RCL1: variants seen among roughly 807,000 people sequenced by gnomAD.
The protein encoded by RCL1 is RNA 3'-terminal phosphate cyclase-like protein.
Under a neutral mutation model 42.4 loss-of-function variants are expected in RCL1, and 24 were observed. The observed-to-expected ratio is 0.57, with a 90% CI of 0.41 to 0.80. The LOEUF is 0.80. Ranked by LOEUF, RCL1 falls within the 30% of genes least tolerant of loss-of-function variation. RCL1 has a pLI of 0.00. For synonymous variants in RCL1, 228 were observed against 177.3 expected (o/e 1.29, Z -2.27); for missense variants, 578 against 467.9 (o/e 1.24, Z -2.17).
At chr9:4,807,693 AT>A (rs1370455501) in intron 1 of RCL1, among the ~76,000 whole-genome samples, 1 of 151,620 alleles carries the variant, frequency 6.6e-6, no homozygotes, top group Non-Finnish European at 1.5e-5. Flanking sequence ...CTAATTTTGT[AT>A]TTTTCGTAGA....
At chr9:4,807,626 T>G (rs1816022647) in intron 1 of RCL1, among the ~76,000 whole-genome samples, 1 of 152,150 alleles carries the variant, frequency 6.6e-6, no homozygotes, top group Non-Finnish European at 1.5e-5. Flanking sequence ...TTCAAGTGAT[T>G]CTCCTGCCTC....
At chr9:4,844,017 T>A (rs1305960715) in intron 6 of RCL1, among the ~76,000 whole-genome samples, 1 of 151,840 alleles carries the variant, frequency 6.6e-6, no homozygotes, top group Non-Finnish European at 1.5e-5. Context: ...ACAAGCAAAT[T>A]TTTTTTTTCC....
chr9:4,830,733 C>G (rs1326635365), intron 3 of RCL1, among the ~76,000 whole-genome samples: 1 of 152,186 alleles, frequency 6.6e-6, no homozygotes, highest in Non-Finnish European at 1.5e-5. Context: ...AATTCTTCTA[C>G]CAACCCAGTG....
In RCL1 at chr9:4,841,313, T is replaced by C. The variant is rs938607334; in HGVS notation, c.666T>C (p.Asp222=). ...GCATCCTCAACAAGTTCATACCTGA[T>C]ATCTATATTTACACAGATCACATGA... ...ARSILNKFIP[D]IYIYTDHMKG... is the part of the protein sequence containing the mutation. The change falls in exon 6 of 9, where the codon GAT becomes GAC. Residue 222 remains aspartate, a synonymous_variant. Coordinates refer to ENST00000381750, the MANE Select transcript of RCL1 (RefSeq NM_005772.5). 9 of 1,612,960 alleles carry C rather than the reference T, an allele frequency of 5.6e-6. No homozygotes were observed. The highest frequency in any genetic ancestry group is 7.6e-6 in the Non-Finnish European group (9 of 1,179,052).
intron 1 of RCL1, among the ~76,000 whole-genome samples, chr9:4,801,351 T>G (rs995261855): frequency 6.6e-6 from 1 of 152,152 alleles, no homozygotes; most frequent in African/African-American, 2.4e-5. Context: ...TTTTAACTTT[T>G]TGTAGAGATG....
In RCL1 at chr9:4,823,558, C is replaced by T. The variant is rs747429340; in HGVS notation, c.147C>T (p.Ala49=). 1.9e-5 allele frequency: 31 copies of T among 1,609,718 alleles called. 1 individual carries two copies. In the South Asian group the frequency reaches 3.4e-4, roughly 18 times the overall value. Residue 49 remains alanine, a synonymous_variant, in exon 2 of 9, where the codon GCC becomes GCT. Coordinates refer to ENST00000381750, the MANE Select transcript of RCL1 (RefSeq NM_005772.5). ...TTTTTTTCTTCACAGATTTTGAAGC[C>T]AGCTTCATAAGGCTATTGGACAAAA... ...DDNPGLRDFE[A]SFIRLLDKIT...
At chr9:4,802,074 A>ATTTTTTTTTTTTTTTTTTTTTT (rs34756856) in intron 1 of RCL1, among the ~76,000 whole-genome samples, 1 of 95,458 alleles carries the variant, frequency 1.0e-5, no homozygotes, top group African/African-American at 3.8e-5. Flanking sequence ...ACGCCTGGCT[A>ATTTTTTTTTTTTTTTTTTTTTT]TTTTTTTTTT....
At chr9:4,851,737 T>TAAAA (rs33921110) in intron 8 of RCL1, among the ~76,000 whole-genome samples, 2 of 148,702 alleles carry the variant, frequency 1.3e-5, no homozygotes, top group African/African-American at 5.0e-5. Flanking sequence ...TTCCTTGGTT[T>TAAAA]AAAAAAAAAA....
Position 4,826,875 on chromosome 9 carries a change from C to A in RCL1, c.226C>A (p.Gln76Lys), listed in dbSNP as rs145714257. 1.2e-6 allele frequency: 2 copies of A among 1,613,040 alleles called. No individual in the cohort carries two copies. ...INQTGTTLYY[Q>K]PGLLYGGSVE... ...GGTTTAAGGAACAACCTTATATTAT[C>A]AGCCTGGCCTCCTGTATGGTGGATC... Residue 76 changes from glutamine (Q) to lysine (K), a missense_variant, in exon 3 of 9, where the codon CAG becomes AAG. By Grantham distance (53) the Gln-to-Lys change is moderately conservative. Coordinates refer to ENST00000381750, the MANE Select transcript of RCL1 (RefSeq NM_005772.5).
chr9:4,850,701 T>TA (rs1248906432), intron 8 of RCL1, among the ~76,000 whole-genome samples: 2 of 152,084 alleles, frequency 1.3e-5, no homozygotes, highest in African/African-American at 4.8e-5. Context: ...ACATCAGTAG[T>TA]AAACAATGCT....
At chr9:4,822,542 G>A (rs1320233028) in intron 1 of RCL1, among the ~76,000 whole-genome samples, 1 of 152,078 alleles carries the variant, frequency 6.6e-6, no homozygotes, top group Non-Finnish European at 1.5e-5. Context: ...TTTTGCCCAG[G>A]CTTGGTGGCT....
chr9:4,849,238 C>G (rs530550977), intron 7 of RCL1, among the ~76,000 whole-genome samples: 1 of 150,720 alleles, frequency 6.6e-6, no homozygotes, highest in Non-Finnish European at 1.5e-5. Context: ...ATAGTCTCAA[C>G]TATTACAGTT....
At chr9:4,819,305 A>G (rs989298647) in intron 1 of RCL1, among the ~76,000 whole-genome samples, 7 of 152,236 alleles carry the variant, frequency 4.6e-5, no homozygotes, top group East Asian at 1.9e-4. Flanking sequence ...TGAGAATCCA[A>G]TGCCATCACT....
Position 4,792,996 on chromosome 9 carries a change from G to T in RCL1, c.-96G>T. ...GGAGGCAGCCCGAGCCGCCGCCGTC[G>T]GTGTCGCCGCCACCACCACCATCGG... is the stretch of plus-strand genomic sequence containing the variant. On this transcript the variant is annotated 5_prime_UTR_variant, in exon 1 of 9. Coordinates refer to ENST00000381750, the MANE Select transcript of RCL1 (RefSeq NM_005772.5). The T allele has an allele frequency of 1.4e-6, 2 of 1,415,146 alleles. No homozygotes were observed. The highest frequency in any genetic ancestry group is 1.9e-6 in the Non-Finnish European group (2 of 1,058,046). The allele number at this position is 1,415,146 out of a possible 1,614,324, so 87.7% of individuals were successfully genotyped here.
intron 1 of RCL1, among the ~76,000 whole-genome samples, chr9:4,820,104 T>C (rs1399057242): frequency 2.0e-5 from 3 of 152,262 alleles, no homozygotes; most frequent in African/African-American, 7.2e-5. Flanking sequence ...TTTATAGTTT[T>C]ATAACCTAAT....
At chr9:4,849,042 T>C (rs1817619166) in intron 7 of RCL1, among the ~76,000 whole-genome samples, 2 of 152,026 alleles carry the variant, frequency 1.3e-5, no homozygotes, top group South Asian at 4.1e-4. Flanking sequence ...AATATGAGCG[T>C]CATCCACTTA....
chr9:4,831,881 C>G (rs1301914231), intron 3 of RCL1, among the ~76,000 whole-genome samples: 1 of 152,132 alleles, frequency 6.6e-6, no homozygotes, highest in African/African-American at 2.4e-5. Context: ...GGCTTGAGCC[C>G]CTTGCCTTAG....
intron 7 of RCL1, among the ~76,000 whole-genome samples, chr9:4,845,872 C>T (rs907915679): frequency 6.6e-6 from 1 of 152,184 alleles, no homozygotes; most frequent in Non-Finnish European, 1.5e-5. Flanking sequence ...TTGTATTGTT[C>T]TGTGTATTTC....
Position 4,852,769 on chromosome 9 carries a change from C to CTTT in RCL1, c.971+3231_971+3233dup, listed in dbSNP as rs34189601. ...GCAGTCCAGTCCCTTGGTCAGGTCA[C>CTTT]TTTTTTTTTTTTTTAACTGCTCCTT... On this transcript the variant is annotated intron_variant, in intron 8 of 8. Coordinates refer to ENST00000381750, the MANE Select transcript of RCL1 (RefSeq NM_005772.5). Among the ~76,000 whole-genome samples the CTTT allele has an allele frequency of 1.2e-4, 17 of 143,620 alleles. 1 individual carries two copies. The highest frequency in any genetic ancestry group is 6.1e-4 in the East Asian group (3 of 4,918). 94.2% of individuals were successfully genotyped at this position (143,620 alleles called of 152,430 possible).
Sources: gnomAD v4.1 joint callset for allele counts (sites outside exome capture counted in the v4.1 genomes callset) on GRCh38, gnomAD v4.1.1 for gene constraint, MANE v1.5 for transcripts, NCBI Gene and HGNC (gene_info 2026-07-23, HGNC 2026-07-21) for gene names.